Variants in FKBP5 observed in about 807,000 individuals in gnomAD.
FKBP5 encodes the protein FKBP prolyl isomerase 5.
In FKBP5, 23 loss-of-function variants were observed where a neutral mutation model predicts 50.5. That is an observed-to-expected ratio of 0.46 (90% confidence interval 0.33 to 0.65). FKBP5 has a LOEUF of 0.65. Among genes scored for constraint, FKBP5 ranks in the 30% least tolerant of loss-of-function variants. The pLI is 0.02. For synonymous variants in FKBP5, 176 were observed against 190.6 expected (o/e 0.92, Z 0.63); for missense variants, 411 against 553.1 (o/e 0.74, Z 2.58).
At position 35,591,052 on chromosome 6, in the gene FKBP5, T is replaced by C. The variant is rs544560368; in HGVS notation, c.756+78A>G. On this transcript the variant is annotated intron_variant, in intron 7 of 10. Coordinates refer to ENST00000357266, the MANE Select transcript of FKBP5 (RefSeq NM_004117.4). ...AACACCATCTATCTATACCACCTAC[T>C]AAGATAAGATACTGATTTATAGGAA... 454 of 929,348 alleles carry C rather than the reference T, an allele frequency of 4.9e-4. 3 individuals are homozygous for C. The highest frequency in any genetic ancestry group is 4.6e-5 in the Non-Finnish European group (27 of 589,054). 57.6% of individuals were successfully genotyped at this position (929,348 alleles called of 1,614,324 possible). A position where few individuals can be genotyped will look rare whatever the true frequency, so the allele number is the denominator to read the frequency against.
At chr6:35,589,794 A>G (rs1762756996) in intron 7 of FKBP5, among the ~76,000 whole-genome samples, 1 of 152,264 alleles carries the variant, frequency 6.6e-6, no homozygotes, top group African/African-American at 2.4e-5. Flanking sequence ...AGAAGAGGTT[A>G]CATGACAACA....
chr6:35,642,815 CA>C lies in FKBP5; in HGVS notation c.9del (p.Asp4MetfsTer31), dbSNP rs1764533085. 3 of 1,613,320 alleles carry C rather than the reference CA, an allele frequency of 1.9e-6. No individual in the cohort carries two copies. Among genetic ancestry groups the C allele is most frequent in the Non-Finnish European group, 2.5e-6 (3 of 1,179,728 alleles). On this transcript the variant is annotated frameshift_variant, in exon 2 of 11. Transcript: ENST00000357266. LOFTEE classifies it high-confidence loss of function. MTTDEGAKNNEES... is the reference protein window; with the variant it reads MTXDEGAKNNEES... ...TCTTCATTGTTCTTGGCACCTTCAT[CA>C]GTAGTCATTGTCTTTTAAGTAGAGA...
chr6:35,649,933 T>C (rs576940691), intron 1 of FKBP5, among the ~76,000 whole-genome samples: 49 of 152,294 alleles, frequency 3.2e-4, no homozygotes, highest in African/African-American at 1.2e-3. Flanking sequence ...ATTTGGCAAA[T>C]GCATACTATA....
chr6:35,671,077 G>A (rs1247545050), intron 1 of FKBP5, among the ~76,000 whole-genome samples: 3 of 151,766 alleles, frequency 2.0e-5, no homozygotes, highest in Non-Finnish European at 4.4e-5. Flanking sequence ...TGGGCAAAAC[G>A]GTAAAACCAA....
intron 1 of FKBP5, among the ~76,000 whole-genome samples, chr6:35,667,441 AT>A (rs1317266137): frequency 1.3e-5 from 2 of 152,246 alleles, no homozygotes; most frequent in Non-Finnish European, 2.9e-5. Flanking sequence ...TAAGACAAAT[AT>A]TAATTAATAG....
At chr6:35,727,689 A>T (rs1029171188) in intron 1 of FKBP5, among the ~76,000 whole-genome samples, 1 of 152,224 alleles carries the variant, frequency 6.6e-6, no homozygotes, top group Non-Finnish European at 1.5e-5. Flanking sequence ...ACTGCGTCCC[A>T]GGTCTCGCAA....
intron 1 of FKBP5, among the ~76,000 whole-genome samples, chr6:35,655,346 A>G (rs1346851708): frequency 6.6e-6 from 1 of 152,140 alleles, no homozygotes; most frequent in African/African-American, 2.4e-5. Flanking sequence ...ACATTTTGAT[A>G]AGGGTGAAGA....
intron 1 of FKBP5, among the ~76,000 whole-genome samples, chr6:35,649,386 T>C (rs1024772753): frequency 6.6e-6 from 1 of 151,888 alleles, no homozygotes; most frequent in Non-Finnish European, 1.5e-5. Context: ...AAGATACTAC[T>C]GAGAATAAAA....
At chr6:35,727,949 C>T (rs1581910708) in intron 1 of FKBP5, among the ~76,000 whole-genome samples, 1 of 152,182 alleles carries the variant, frequency 6.6e-6, no homozygotes, top group East Asian at 1.9e-4. Context: ...GGCAGGGCTG[C>T]GGGGCCCACG....
intron 1 of FKBP5, among the ~76,000 whole-genome samples, chr6:35,685,974 C>T (rs1312867482): frequency 1.5e-5 from 2 of 133,132 alleles, no homozygotes; most frequent in South Asian, 2.2e-4. Context: ...AAGAGCAAAA[C>T]GCCATCTCAA....
chr6:35,694,660 C>A (rs975360238), intron 2 of FKBP5, among the ~76,000 whole-genome samples: 1 of 152,240 alleles, frequency 6.6e-6, no homozygotes, highest in Admixed American at 6.5e-5. Context: ...CATCTGATGA[C>A]TCAGAGCTGG....
intron 3 of FKBP5, among the ~76,000 whole-genome samples, chr6:35,629,732 G>T (rs868158101): frequency 3.9e-5 from 6 of 152,116 alleles, no homozygotes; most frequent in African/African-American, 1.4e-4. Context: ...TGAGAAATTT[G>T]CTCAGCTTTC....
In FKBP5 at chr6:35,597,946, A is replaced by G. The variant is rs79208404; in HGVS notation, c.509-542T>C. ...ATCTGAATAAAAATGGTAAATCCAA[A>G]GACAACAACATCAATAACTATCTTA... is the stretch of plus-strand genomic sequence containing the variant. On this transcript the variant is annotated intron_variant, in intron 5 of 10. Coordinates refer to ENST00000357266, the MANE Select transcript of FKBP5 (RefSeq NM_004117.4). Among the ~76,000 whole-genome samples the G allele has an allele frequency of 2.0e-4, 31 of 152,358 alleles. 1 individual carries two copies. The highest frequency in any genetic ancestry group is 7.5e-4 in the African/African-American group (31 of 41,596).
At chr6:35,650,543 G>A (rs2150993894) in intron 1 of FKBP5, among the ~76,000 whole-genome samples, 1 of 151,842 alleles carries the variant, frequency 6.6e-6, no homozygotes, top group East Asian at 1.9e-4. Flanking sequence ...GCCTGATCTT[G>A]GCTCACTGCA....
chr6:35,604,797 C>CT (rs552968122), intron 5 of FKBP5, among the ~76,000 whole-genome samples: 111 of 144,998 alleles, frequency 7.7e-4, no homozygotes, highest in Non-Finnish European at 8.5e-4. Context: ...ACAGTGTTTT[C>CT]TTTTTTTTTT....
At chr6:35,603,267 AG>A (rs1763202741) in intron 5 of FKBP5, among the ~76,000 whole-genome samples, 1 of 152,214 alleles carries the variant, frequency 6.6e-6, no homozygotes, top group African/African-American at 2.4e-5. Flanking sequence ...TCCTGTGCCT[AG>A]TGGTAAATTA....
intron 5 of FKBP5, among the ~76,000 whole-genome samples, chr6:35,608,433 G>A (rs948102974): frequency 6.6e-6 from 1 of 152,204 alleles, no homozygotes; most frequent in Admixed American, 6.5e-5. Context: ...TAGTACACGA[G>A]CCTGTAATCT....
chr6:35,581,699 C>T, intron 8 of FKBP5: 1 of 985,394 alleles, frequency 1.0e-6, no homozygotes, highest in Non-Finnish European at 1.2e-6. Context: ...GGTAAATACG[C>T]AAATAGAAAC....
chr6:35,691,554 C>A (rs1365916082), upstream of FKBP5, among the ~76,000 whole-genome samples: 1 of 152,094 alleles, frequency 6.6e-6, no homozygotes, highest in East Asian at 1.9e-4. Context: ...CAACAACAGG[C>A]CCTGTAGATA....
Sources: gnomAD v4.1 joint callset for allele counts (sites outside exome capture counted in the v4.1 genomes callset) on GRCh38, gnomAD v4.1.1 for gene constraint, MANE v1.5 for transcripts, NCBI Gene and HGNC (gene_info 2026-07-23, HGNC 2026-07-21) for gene names.